The following SNX12 variants were observed in gnomAD, a reference collection of about 807,000 sequenced individuals.
SNX12 encodes sorting nexin 12.
For missense variants in SNX12, 62 were observed against 141.3 expected (o/e 0.44, Z 2.84); for synonymous variants, 47 against 56.0 (o/e 0.84, Z 0.71).
chrX:71,062,193 T>C (rs2092133878), intron 2 of SNX12, among the ~76,000 whole-genome samples: 1 of 110,562 alleles, frequency 9.0e-6, no homozygotes, highest in Admixed American at 9.7e-5. Context: ...GGAAATAAAC[T>C]CCAAATAATC....
chrX:71,069,734 A>G (rs763939783), upstream of SNX12, among the ~76,000 whole-genome samples: 31 of 111,751 alleles, frequency 2.8e-4, no homozygotes, highest in African/African-American at 8.8e-4. Flanking sequence ...TGAGGTCAAG[A>G]GTTCGAGATC....
In SNX12 at chrX:71,059,786, C is replaced by A. The variant is rs1354498867; in HGVS notation, c.*1230G>T. ...TGGGCCCCAGCAAACAAACCACCCCCTCCAAGACAGAAACCAGGATAGTTG... is the reference window on the plus strand; with the variant it reads ...TGGGCCCCAGCAAACAAACCACCCCATCCAAGACAGAAACCAGGATAGTTG... On this transcript the variant is annotated 3_prime_UTR_variant, in exon 4 of 4. Coordinates refer to ENST00000374274, the MANE Select transcript of SNX12 (RefSeq NM_013346.4). 9.0e-6 allele frequency: 1 copy of A among 111,560 alleles called. No individual in the cohort carries two copies. The highest frequency in any genetic ancestry group is 1.9e-5 in the Non-Finnish European group (1 of 53,181). 9.2% of individuals were successfully genotyped at this position (111,560 alleles called of 1,213,427 possible). A position where few individuals can be genotyped will look rare whatever the true frequency, so the allele number is the denominator to read the frequency against.
chrX:71,064,366 T>C (rs1201439431), intron 1 of SNX12, among the ~76,000 whole-genome samples: 1 of 112,338 alleles, frequency 8.9e-6, no homozygotes, highest in Non-Finnish European at 1.9e-5. Context: ...TACTTTAGCA[T>C]TGCCTGATAC....
intron 3 of SNX12, 100 bp from the exon 4 acceptor site, chrX:71,061,218 T>C: frequency 1.5e-6 from 1 of 667,712 alleles, no homozygotes; most frequent in African/African-American, 2.1e-5. Flanking sequence ...AGGTCAGCCC[T>C]GAGGTTCAAG....
chrX:71,067,284 A>C (rs946603100), intron 1 of SNX12, among the ~76,000 whole-genome samples: 1 of 112,266 alleles, frequency 8.9e-6, no homozygotes, highest in African/African-American at 3.2e-5. Context: ...GTATTAAAGT[A>C]ACTACAGACC....
At chrX:71,064,943 C>T (rs771360206) in intron 1 of SNX12, among the ~76,000 whole-genome samples, 8 of 112,715 alleles carry the variant, frequency 7.1e-5, no homozygotes, top group Non-Finnish European at 1.1e-4. Flanking sequence ...CTCAAATAGG[C>T]CATCAAAAGC....
intron 3 of SNX12, among the ~76,000 whole-genome samples, chrX:71,061,393 T>C (rs1289852060): frequency 8.9e-6 from 1 of 112,263 alleles, no homozygotes; most frequent in East Asian, 2.8e-4. Flanking sequence ...GGAGTTTTAC[T>C]GTCCAGTCAG....
At chrX:71,070,685 GA>G (rs2092169393), upstream of SNX12, among the ~76,000 whole-genome samples, 1 of 111,724 alleles carries the variant, frequency 9.0e-6, no homozygotes, top group South Asian at 3.7e-4. Context: ...ATACCATGTA[GA>G]AAGAAAAACA....
intron 1 of SNX12, 79 bp from the exon 2 acceptor site, chrX:71,063,028 G>A (rs1054018400): frequency 2.7e-5 from 17 of 629,191 alleles, no homozygotes; most frequent in African/African-American, 2.0e-4. Context: ...AACTTGGACA[G>A]GTCCCAATGA....
At chrX:71,068,478 C>T, upstream of SNX12, 1 of 334,546 alleles carries the variant, frequency 3.0e-6, no homozygotes, top group Non-Finnish European at 5.1e-6. Context: ...GGGCCCCGGG[C>T]TCTGAATAGC....
intron 1 of SNX12, among the ~76,000 whole-genome samples, chrX:71,065,357 C>CAAAAA (rs34405331): frequency 2.9e-4 from 16 of 56,099 alleles, no homozygotes; most frequent in South Asian, 1.2e-3. Context: ...GACTTTGTCT[C>CAAAAA]AAAAAAAAAA....
intron 1 of SNX12, among the ~76,000 whole-genome samples, chrX:71,065,307 G>A (rs1345829696): frequency 2.0e-5 from 2 of 98,016 alleles, no homozygotes; most frequent in African/African-American, 4.0e-5. Context: ...GCAGTGAGCC[G>A]AGATCATGCC....
chrX:71,073,029 CACACAT>C (rs2147713464), upstream of SNX12, among the ~76,000 whole-genome samples: 1 of 42,680 alleles, frequency 2.3e-5, no homozygotes, highest in South Asian at 1.5e-3. Context: ...CCTCAGTTAT[CACACAT>C]ACACACACAC....
intron 1 of SNX12, 138 bp downstream of exon 1, chrX:71,068,004 G>A (rs1376924028): frequency 5.7e-5 from 29 of 513,117 alleles, no homozygotes; most frequent in East Asian, 1.2e-4. Context: ...CTCGTTCCAA[G>A]CCTATTATAC....
chrX:71,062,257 G>A (rs1244730629), intron 2 of SNX12, among the ~76,000 whole-genome samples: 2 of 110,027 alleles, frequency 1.8e-5, no homozygotes, highest in Non-Finnish European at 3.8e-5. Context: ...GGATTTTCCT[G>A]ACACTAGACT....
At chrX:71,068,437 C>G (rs757997008), upstream of SNX12, 1 of 505,013 alleles carries the variant, frequency 2.0e-6, no homozygotes, top group African/African-American at 2.5e-5. Context: ...GCACGCGCGC[C>G]CACGCACGCA....
chrX:71,068,580 A>C, upstream of SNX12: 3 of 223,535 alleles, frequency 1.3e-5, no homozygotes, highest in Non-Finnish European at 2.4e-5. Flanking sequence ...TGCATCCCCA[A>C]TACGCAGTAC....
chrX:71,065,357 C>CA (rs34405331), intron 1 of SNX12, among the ~76,000 whole-genome samples: 21,727 of 55,898 alleles, frequency 0.39, 4,214 homozygotes, highest in African/African-American at 0.59. Flanking sequence ...GACTTTGTCT[C>CA]AAAAAAAAAA....
chrX:71,068,513 TG>T, upstream of SNX12: 1 of 292,045 alleles, frequency 3.4e-6, no homozygotes, highest in Non-Finnish European at 5.9e-6. Flanking sequence ...CTGCGCGCCC[TG>T]TAGAGTGGAG....
Sources: allele counts gnomAD v4.1 joint callset (sites outside exome capture counted in the v4.1 genomes callset), GRCh38; gene constraint gnomAD v4.1.1; transcripts MANE v1.5; gene names NCBI Gene and HGNC (gene_info 2026-07-23, HGNC 2026-07-21).